The following NCBP2 variants were observed in gnomAD, a reference collection of about 807,000 sequenced individuals.
NCBP2 encodes nuclear cap-binding protein subunit 2.
In NCBP2, 8 loss-of-function variants were observed where a neutral mutation model predicts 21.5. The ratio of observed to expected loss-of-function variants is 0.37; its 90% confidence interval spans 0.22 to 0.67. The LOEUF (loss-of-function observed/expected upper bound fraction) is 0.67. Among genes scored for constraint, NCBP2 ranks in the 30% least tolerant of loss-of-function variants. NCBP2 has a pLI of 0.56. For missense variants in NCBP2, 127 were observed against 206.9 expected, an observed-to-expected ratio of 0.61 and a Z score of 2.37; for synonymous variants, 92 against 75.8, an observed-to-expected ratio of 1.21 and a Z score of -1.11.
At chr3:196,938,006 G>A (rs555140808) in intron 2 of NCBP2, 2 of 189,812 alleles carry the variant, frequency 1.1e-5, no homozygotes, top group African/African-American at 4.6e-5. Context: ...CCCTAATCAA[G>A]AGAAGGTCAC....
chr3:196,937,776 T>A (rs1716337218), intron 2 of NCBP2, 128 bp from the exon 3 acceptor site: 1 of 1,188,476 alleles, frequency 8.4e-7, no homozygotes, highest in Admixed American at 1.9e-5. Flanking sequence ...AAGACAGTAA[T>A]TCAGCTTGCC....
chr3:196,942,376 T>C (rs775997247), intron 1 of NCBP2, 50 bp downstream of exon 1: 1 of 1,592,008 alleles, frequency 6.3e-7, no homozygotes, highest in Non-Finnish European at 8.5e-7. Context: ...AAACCGTTTC[T>C]CAGCGTTCTT....
intron 1 of NCBP2, chr3:196,941,836 T>G: frequency 7.2e-7 from 1 of 1,389,830 alleles, no homozygotes; most frequent in South Asian, 1.2e-5. Flanking sequence ...GATCTTTACA[T>G]CCGAACACCC....
rs929550072 is a variant in NCBP2 at position 196,942,129 on chromosome 3, CGG to C, written c.78+295_78+296del. The C allele has an allele frequency of 4.6e-5, 68 of 1,465,986 alleles. No homozygotes were observed. In the African/African-American group the frequency reaches 8.7e-4, roughly 19 times the overall value. The allele number at this position is 1,465,986 out of a possible 1,614,324, so 90.8% of individuals were successfully genotyped here. On this transcript the variant is annotated intron_variant, in intron 1 of 3. Transcript: ENST00000321256. ...GTCTGCGGAGGCACAACCGTGGAAACGGGAGCCGCCACCACCACCACCGCTCA... is the reference window on the plus strand; with the variant it reads ...GTCTGCGGAGGCACAACCGTGGAAACGAGCCGCCACCACCACCACCGCTCA...
At position 196,942,510 on chromosome 3, in the gene NCBP2, G is replaced by C. The variant is rs755550532; in HGVS notation, c.-7C>G. The C allele has an allele frequency of 1.9e-6, 3 of 1,611,764 alleles. No homozygotes were observed. The South Asian group carries it at 3.3e-5, about 18-fold the overall frequency. ...TCAGGAGGCCACCCGACATAGTGCA[G>C]AGAAGCGGACCACAATGCGGCGACT... On this transcript the variant is annotated 5_prime_UTR_variant, in exon 1 of 4. Transcript: ENST00000321256.
chr3:196,942,306 G>A (rs138747141), intron 1 of NCBP2, 120 bp downstream of exon 1: 2 of 1,526,058 alleles, frequency 1.3e-6, no homozygotes, highest in Non-Finnish European at 1.8e-6. Flanking sequence ...CAGGCACCGG[G>A]GCCCCACTTG....
At chr3:196,942,089 C>T in intron 1 of NCBP2, 1 of 1,504,660 alleles carries the variant, frequency 6.6e-7, no homozygotes, top group Non-Finnish European at 8.8e-7. Context: ...CACCCCTCCC[C>T]CTTGCTACGT....
At chr3:196,939,195 A>G in intron 2 of NCBP2, 56 bp downstream of exon 2, 2 of 1,506,380 alleles carry the variant, frequency 1.3e-6, no homozygotes, top group Non-Finnish European at 9.2e-7. Context: ...CTTATGAGCT[A>G]CCACTCTCAG....
rs576655562 is a variant in NCBP2, at chr3:196,936,318, G to A, written c.*693C>T. On this transcript the variant is annotated 3_prime_UTR_variant, in exon 4 of 4. Coordinates refer to ENST00000321256, the MANE Select transcript of NCBP2 (RefSeq NM_007362.5). ...GATTGCTTTTGCACCAACTACACAG[G>A]AAGGTCCTTGACCTCTAAGCATGCC... 8 of 152,498 alleles carry A rather than the reference G, an allele frequency of 5.2e-5. No homozygotes were observed. Among genetic ancestry groups the A allele is most frequent in the African/African-American group, 1.9e-4 (8 of 41,588 alleles). 9.4% of individuals were successfully genotyped at this position (152,498 alleles called of 1,614,324 possible).
intron 1 of NCBP2, chr3:196,941,921 T>A: frequency 3.3e-6 from 5 of 1,536,252 alleles, no homozygotes; most frequent in Non-Finnish European, 4.4e-6. Context: ...ACTCCACTTG[T>A]GTCTCCCACG....
At chr3:196,941,801 C>G (rs1716592199) in intron 1 of NCBP2, 1 of 1,108,206 alleles carries the variant, frequency 9.0e-7, no homozygotes, top group Non-Finnish European at 1.3e-6. Context: ...AAAAATTTCC[C>G]TCTTCTGAAA....
chr3:196,941,754 C>G, intron 1 of NCBP2: 1 of 693,366 alleles, frequency 1.4e-6, no homozygotes, highest in South Asian at 1.9e-5. Context: ...GCTGCCTCCC[C>G]TTTTTCCACA....
At position 196,936,350 on chromosome 3, in the gene NCBP2, G is replaced by A. The variant is rs1464246996; in HGVS notation, c.*661C>T. On this transcript the variant is annotated 3_prime_UTR_variant, in exon 4 of 4. Transcript: ENST00000321256. ...CTTGACCTCTAAGCATGCCTTTAGA[G>A]GTTAGAATTCACAGAAAACAAATTC... 6.5e-6 allele frequency: 1 copy of A among 152,784 alleles called. No individual in the cohort carries two copies. Among genetic ancestry groups the A allele is most frequent in the Non-Finnish European group, 1.5e-5 (1 of 68,504 alleles). The allele number at this position is 152,784 out of a possible 1,614,324, so 9.5% of individuals were successfully genotyped here.
intron 1 of NCBP2, 88 bp downstream of exon 1, chr3:196,942,338 A>G (rs917476964): frequency 6.5e-7 from 1 of 1,548,792 alleles, no homozygotes; most frequent in African/African-American, 1.4e-5. Flanking sequence ...TTTCAGCTGA[A>G]TGGGAGGCGA....
chr3:196,940,430 C>T (rs1367301295), intron 1 of NCBP2, among the ~76,000 whole-genome samples: 1 of 151,454 alleles, frequency 6.6e-6, no homozygotes, highest in Non-Finnish European at 1.5e-5. Context: ...GTTTTCGGAA[C>T]TTTGGAGTGA....
chr3:196,942,048 G>C, intron 1 of NCBP2: 1 of 1,534,706 alleles, frequency 6.5e-7, no homozygotes, highest in Non-Finnish European at 8.7e-7. Flanking sequence ...CATCAGGAAG[G>C]CGCCTCTGCC....
In NCBP2 at chr3:196,942,486, C is replaced by T; in HGVS notation, c.18G>A (p.Leu6=). MSGGL[L]KALRSDSYVE... is the part of the protein sequence containing the mutation. ...CGTAGGAGTCGCTGCGCAGCGCCTTCAGGAGGCCACCCGACATAGTGCAGA... is the reference window on the plus strand; with the variant it reads ...CGTAGGAGTCGCTGCGCAGCGCCTTTAGGAGGCCACCCGACATAGTGCAGA... The change falls in exon 1 of 4, where the codon CTG becomes CTA. Residue 6 remains leucine (L), a synonymous_variant. Transcript: ENST00000321256. The T allele has an allele frequency of 6.2e-7, 1 of 1,613,212 alleles. No homozygotes were observed.
chr3:196,939,352 T>C lies in NCBP2; in HGVS notation c.159A>G (p.Glu53=). The C allele has an allele frequency of 6.2e-7, 1 of 1,613,036 alleles. No homozygotes were observed. Among genetic ancestry groups the C allele is most frequent in the South Asian group, 1.1e-5 (1 of 91,064 alleles). The change falls in exon 2 of 4, where the codon GAA becomes GAG. Residue 53 remains glutamate, a synonymous_variant. Coordinates refer to ENST00000321256, the MANE Select transcript of NCBP2 (RefSeq NM_007362.5). ...YVGNLSFYTT[E]EQIYELFSKS... is the part of the protein sequence containing the mutation. ...TGCTGAAGAGTTCATAGATTTGTTCTTCAGTTGTGTAAAAAGAAAGATTTC... is the reference window on the plus strand; with the variant it reads ...TGCTGAAGAGTTCATAGATTTGTTCCTCAGTTGTGTAAAAAGAAAGATTTC...
At chr3:196,942,043 G>A (rs1279480244) in intron 1 of NCBP2, 3 of 1,535,030 alleles carry the variant, frequency 2.0e-6, no homozygotes, top group Non-Finnish European at 2.6e-6. Context: ...ATCTGCATCA[G>A]GAAGGCGCCT....
Sources: gnomAD v4.1 joint callset for allele counts (sites outside exome capture counted in the v4.1 genomes callset) on GRCh38, gnomAD v4.1.1 for gene constraint, MANE v1.5 for transcripts, NCBI Gene and HGNC (gene_info 2026-07-23, HGNC 2026-07-21) for gene names.